GPC5: variants seen among roughly 807,000 people sequenced by gnomAD.
GPC5 encodes glypican 5, also known as glypican-5.
In GPC5, 47 loss-of-function variants were observed where a neutral mutation model predicts 53.9. The ratio of observed to expected loss-of-function variants is 0.87; its 90% CI spans 0.69 to 1.11. The LOEUF is 1.11. Among genes scored for constraint, GPC5 ranks in the 50% most tolerant of loss-of-function variants. The pLI, the probability that GPC5 is intolerant of heterozygous loss-of-function variation, is 0.00. For synonymous variants in GPC5, 286 were observed against 263.3 expected (o/e 1.09, Z -0.84); for missense variants, 748 against 713.1 (o/e 1.05, Z -0.56).
intron 1 of GPC5, among the ~76,000 whole-genome samples, chr13:91,429,744 G>A (rs1487061656): frequency 6.6e-6 from 1 of 152,186 alleles, no homozygotes; most frequent in Non-Finnish European, 1.5e-5. Context: ...ACAAACACTT[G>A]TGGTAACTTT....
chr13:92,095,771 G>C (rs1217206841), intron 6 of GPC5, among the ~76,000 whole-genome samples: 1 of 152,110 alleles, frequency 6.6e-6, no homozygotes, highest in Admixed American at 6.5e-5. Flanking sequence ...CTGACCTCGT[G>C]ATCTGCCCGC....
chr13:91,797,975 A>T (rs1006282136), intron 5 of GPC5, among the ~76,000 whole-genome samples: 14 of 152,192 alleles, frequency 9.2e-5, no homozygotes, highest in South Asian at 2.1e-4. Flanking sequence ...CGCAGAGTAA[A>T]TAGGAAAGTA....
intron 2 of GPC5, among the ~76,000 whole-genome samples, chr13:91,666,469 G>A (rs986268743): frequency 2.0e-5 from 3 of 151,978 alleles, no homozygotes; most frequent in Non-Finnish European, 4.4e-5. Context: ...GCCCCTTTTA[G>A]CATTTGTCTT....
In GPC5 at chr13:92,452,699, C is replaced by G. The variant is rs1464154754; in HGVS notation, c.1561+307710C>G. ...TCTCCTACCTCAGCCTCCCTAGTAT[C>G]TGGGATTATAGGCACACACAGCCAC... is the stretch of plus-strand genomic sequence containing the variant. On this transcript the variant is annotated intron_variant, in intron 7 of 7. Transcript: ENST00000377067. 2.6e-5 allele frequency among the ~76,000 whole-genome samples: 4 copies of G among 152,118 alleles called. No individual in the cohort carries two copies. The East Asian group carries it at 7.7e-4, about 29-fold the overall frequency.
intron 7 of GPC5, among the ~76,000 whole-genome samples, chr13:92,791,429 G>A (rs936685369): frequency 6.6e-6 from 1 of 150,594 alleles, no homozygotes; most frequent in African/African-American, 2.5e-5. Flanking sequence ...GTGTGTGGGG[G>A]GGGGCGGGGG....
chr13:92,245,097 C>T (rs2042640894), intron 7 of GPC5, among the ~76,000 whole-genome samples: 1 of 151,934 alleles, frequency 6.6e-6, no homozygotes, highest in Non-Finnish European at 1.5e-5. Flanking sequence ...AGGCACTCTC[C>T]CAGGCTGCTG....
At chr13:92,240,604 A>G (rs1158356755) in intron 7 of GPC5, 1 of 152,362 alleles carries the variant, frequency 6.6e-6, no homozygotes, top group East Asian at 1.9e-4. Flanking sequence ...CCCAGGTTTA[A>G]GCGATTCTCC....
At chr13:92,026,569 G>T (rs1326167681) in intron 6 of GPC5, among the ~76,000 whole-genome samples, 2 of 151,198 alleles carry the variant, frequency 1.3e-5, no homozygotes, top group African/African-American at 4.9e-5. Context: ...ATGAGGTCCA[G>T]CTACCTTATA....
intron 2 of GPC5, among the ~76,000 whole-genome samples, chr13:91,629,713 T>A (rs1175241172): frequency 6.6e-6 from 1 of 152,120 alleles, no homozygotes; most frequent in Non-Finnish European, 1.5e-5. Flanking sequence ...TAAGAGGACA[T>A]TCCTACAAAG....
chr13:92,474,418 T>A (rs928780434), intron 7 of GPC5, among the ~76,000 whole-genome samples: 5 of 152,038 alleles, frequency 3.3e-5, no homozygotes, highest in Non-Finnish European at 7.4e-5. Context: ...TTGCATTTAT[T>A]TCAGATACTG....
At chr13:92,650,609 C>T (rs1377436327) in intron 7 of GPC5, among the ~76,000 whole-genome samples, 1 of 152,026 alleles carries the variant, frequency 6.6e-6, no homozygotes, top group Non-Finnish European at 1.5e-5. Context: ...TAGTAGAGCT[C>T]ATGCTTGAAT....
chr13:92,166,052 A>G (rs1041546757), intron 7 of GPC5, among the ~76,000 whole-genome samples: 3 of 152,222 alleles, frequency 2.0e-5, no homozygotes, highest in African/African-American at 7.2e-5. Flanking sequence ...CTTTTTGTGT[A>G]TGTGGGCGAA....
intron 1 of GPC5, among the ~76,000 whole-genome samples, chr13:91,415,110 G>T (rs532045816): frequency 1.3e-5 from 2 of 152,228 alleles, no homozygotes; most frequent in South Asian, 2.1e-4. Context: ...GAGCATCCCT[G>T]TGTGTTTTGA....
chr13:91,643,488 T>A (rs1185199010), intron 2 of GPC5, among the ~76,000 whole-genome samples: 7 of 152,162 alleles, frequency 4.6e-5, no homozygotes, highest in African/African-American at 1.7e-4. Context: ...ATGTGAAATA[T>A]TTTATTTATA....
chr13:91,737,655 T>C (rs1357258402), intron 4 of GPC5, among the ~76,000 whole-genome samples: 1 of 151,560 alleles, frequency 6.6e-6, no homozygotes, highest in Non-Finnish European at 1.5e-5. Flanking sequence ...GTTTATACTT[T>C]AGATTTTGTG....
chr13:92,013,199 C>T (rs2040677418), intron 6 of GPC5, among the ~76,000 whole-genome samples: 1 of 152,118 alleles, frequency 6.6e-6, no homozygotes, highest in South Asian at 2.1e-4. Context: ...TGTCCAGCAT[C>T]CAAAAAGAAT....
chr13:91,772,997 C>T (rs2037651936), intron 5 of GPC5, among the ~76,000 whole-genome samples: 1 of 152,072 alleles, frequency 6.6e-6, no homozygotes. Flanking sequence ...GTTTGGATTT[C>T]ATGATATGAC....
At chr13:91,590,830 C>G (rs892406146) in intron 2 of GPC5, among the ~76,000 whole-genome samples, 4 of 152,140 alleles carry the variant, frequency 2.6e-5, no homozygotes, top group African/African-American at 4.8e-5. Context: ...GTCTTATAAA[C>G]TATTTAAATA....
chr13:91,447,820 G>A (rs557378760), intron 1 of GPC5, among the ~76,000 whole-genome samples: 60 of 152,148 alleles, frequency 3.9e-4, no homozygotes, highest in African/African-American at 1.3e-3. Context: ...GGAAATAACC[G>A]TATTAGGCCA....
Sources: allele counts gnomAD v4.1 joint callset (sites outside exome capture counted in the v4.1 genomes callset), GRCh38; gene constraint gnomAD v4.1.1; transcripts MANE v1.5; gene names NCBI Gene and HGNC (gene_info 2026-07-23, HGNC 2026-07-21).